CAMK2D: variants seen among roughly 807,000 people sequenced by gnomAD.
The protein encoded by CAMK2D is calcium/calmodulin-dependent protein kinase type II subunit delta.
A neutral mutation model predicts 84.0 loss-of-function variants in CAMK2D; 37 were observed. The ratio of observed to expected loss-of-function variants is 0.44; its 90% CI spans 0.34 to 0.58. The LOEUF is 0.58. Among genes scored for constraint, CAMK2D ranks in the 20% least tolerant of loss-of-function variants. The pLI is 0.02. For missense variants in CAMK2D, 448 were observed against 652.5 expected (o/e 0.69, Z 3.41); for synonymous variants, 202 against 212.5 (o/e 0.95, Z 0.43).
intron 2 of CAMK2D, among the ~76,000 whole-genome samples, chr4:113,705,161 CAAAAAAA>C (rs769273594): frequency 1.7e-5 from 2 of 115,804 alleles, no homozygotes; most frequent in Non-Finnish European, 3.7e-5. Flanking sequence ...ACTACAAATA[CAAAAAAA>C]AAAAAAAAAT....
intron 2 of CAMK2D, among the ~76,000 whole-genome samples, chr4:113,692,872 T>C (rs1374056974): frequency 6.6e-6 from 1 of 152,130 alleles, no homozygotes; most frequent in African/African-American, 2.4e-5. Context: ...AGAACTATTA[T>C]CTTCATAGAC....
intron 2 of CAMK2D, among the ~76,000 whole-genome samples, chr4:113,735,289 GAAAAAAAAAAAAAAA>G (rs769117708): frequency 1.7e-3 from 76 of 44,770 alleles, no homozygotes; most frequent in East Asian, 5.1e-3. Context: ...ATCTCTACAG[GAAAAAAAAAAAAAAA>G]AAAAAAAAAA....
At chr4:113,521,098 C>G (rs577857435) in intron 8 of CAMK2D, among the ~76,000 whole-genome samples, 43 of 152,282 alleles carry the variant, frequency 2.8e-4, no homozygotes, top group African/African-American at 8.7e-4. Context: ...TGCTCCTTAT[C>G]CACTTGGTTG....
intron 6 of CAMK2D, among the ~76,000 whole-genome samples, chr4:113,546,155 A>C (rs2098568304): frequency 6.6e-6 from 1 of 152,196 alleles, no homozygotes; most frequent in Middle Eastern, 3.2e-3. Context: ...TCAAATAATA[A>C]ATTTATAGAA....
chr4:113,483,058 A>AGAT lies in CAMK2D; in HGVS notation c.1135+17402_1135+17404dup, dbSNP rs2097720852. 2.6e-5 allele frequency among the ~76,000 whole-genome samples: 4 copies of AGAT among 152,370 alleles called. No individual in the cohort carries two copies. The South Asian group carries it at 6.2e-4, about 24-fold the overall frequency. On this transcript the variant is annotated intron_variant, in intron 16 of 20. Coordinates refer to ENST00000511664, the MANE Select transcript of CAMK2D (RefSeq NM_001321571.2). ...CCTAATTCACTGAGTTTCAAAGGCA[A>AGAT]GATAGTTTATCCACTCATGTACTCT...
At chr4:113,561,101 T>G (rs964101003) in intron 4 of CAMK2D, among the ~76,000 whole-genome samples, 1 of 152,150 alleles carries the variant, frequency 6.6e-6, no homozygotes, top group Non-Finnish European at 1.5e-5. Context: ...ACAAAAGAGT[T>G]GGAAACAGGA....
intron 2 of CAMK2D, among the ~76,000 whole-genome samples, chr4:113,682,285 G>C (rs1454652029): frequency 6.6e-6 from 1 of 151,864 alleles, no homozygotes; most frequent in Admixed American, 6.6e-5. Context: ...GAAAGTATAT[G>C]AGAAATTTAT....
At chr4:113,459,246 T>C (rs747566472) in intron 18 of CAMK2D, among the ~76,000 whole-genome samples, 2 of 152,160 alleles carry the variant, frequency 1.3e-5, no homozygotes, top group Non-Finnish European at 2.9e-5. Flanking sequence ...TGAGACAGGG[T>C]CTCGTTCTGT....
At chr4:113,475,402 T>C (rs2097596006) in intron 16 of CAMK2D, among the ~76,000 whole-genome samples, 1 of 152,188 alleles carries the variant, frequency 6.6e-6, no homozygotes, top group Non-Finnish European at 1.5e-5. Flanking sequence ...GAATTTATTT[T>C]TTGAGAAAGA....
intron 16 of CAMK2D, among the ~76,000 whole-genome samples, chr4:113,495,899 C>T (rs2097921099): frequency 6.6e-6 from 1 of 152,130 alleles, no homozygotes; most frequent in South Asian, 2.1e-4. Flanking sequence ...AGAAATGACA[C>T]AAGGGCATAC....
At chr4:113,480,339 T>C (rs181688583) in intron 16 of CAMK2D, among the ~76,000 whole-genome samples, 13 of 152,258 alleles carry the variant, frequency 8.5e-5, no homozygotes, top group Admixed American at 7.8e-4. Flanking sequence ...GCATATTCAA[T>C]GGAGAGCTGG....
intron 2 of CAMK2D, chr4:113,754,771 C>A (rs6856915): frequency 3.1e-6 from 3 of 978,896 alleles, no homozygotes; most frequent in African/African-American, 1.8e-5. Flanking sequence ...TGTTTAATAT[C>A]AAGACCTATA....
rs2098180592 is a variant in CAMK2D at position 113,509,521 on chromosome 4, C to T, written c.984+117G>A. The T allele has an allele frequency of 4.3e-6, 3 of 690,066 alleles. No individual in the cohort carries two copies. The African/African-American group carries it at 5.5e-5, about 13-fold the overall frequency. The allele number at this position is 690,066 out of a possible 1,614,324, so 42.7% of individuals were successfully genotyped here. The stretch of plus-strand genomic sequence containing the variant: ...ATCATTTCATATTTCAACCTGCAAC[C>T]TTTATCAGAAACAATAAAAAATAGA... On this transcript the variant is annotated intron_variant, in intron 13 of 20. Transcript: ENST00000511664.
chr4:113,595,255 T>C (rs537896066), intron 4 of CAMK2D, among the ~76,000 whole-genome samples: 42 of 152,138 alleles, frequency 2.8e-4, no homozygotes, highest in Non-Finnish European at 4.9e-4. Context: ...GCAAGAAATG[T>C]TTAAAACAAA....
At chr4:113,747,604 T>TA (rs1168561685) in intron 2 of CAMK2D, among the ~76,000 whole-genome samples, 1 of 152,130 alleles carries the variant, frequency 6.6e-6, no homozygotes, top group Non-Finnish European at 1.5e-5. Context: ...AACTACCTTT[T>TA]AAAGTACTAG....
intron 16 of CAMK2D, among the ~76,000 whole-genome samples, chr4:113,500,201 T>C (rs1443596080): frequency 3.9e-5 from 6 of 152,150 alleles, no homozygotes; most frequent in Non-Finnish European, 8.8e-5. Flanking sequence ...TCATTATTAG[T>C]TGTCATTACT....
In CAMK2D at chr4:113,583,895, G is replaced by A. The variant is rs551717484; in HGVS notation, c.275+25257C>T. ...AGGTACTAGTGTCTCAGTGTTCAGT[G>A]CAGACAGATTGAAATGCCTGAGTGA... On this transcript the variant is annotated intron_variant, in intron 4 of 20. Coordinates refer to ENST00000511664, the MANE Select transcript of CAMK2D (RefSeq NM_001321571.2). Among the ~76,000 whole-genome samples the A allele has an allele frequency of 1.7e-4, 26 of 152,278 alleles. No individual in the cohort carries two copies. In the South Asian group the frequency reaches 4.8e-3, roughly 28 times the overall value.
chr4:113,699,267 T>C (rs760693513), intron 2 of CAMK2D, among the ~76,000 whole-genome samples: 1 of 152,182 alleles, frequency 6.6e-6, no homozygotes, highest in Non-Finnish European at 1.5e-5. Flanking sequence ...GTTTTGTTTA[T>C]CTGATAGTTT....
In CAMK2D at chr4:113,452,394, A is replaced by C. The variant is rs555682889; in HGVS notation, c.*2151T>G. On this transcript the variant is annotated 3_prime_UTR_variant, in exon 21 of 21. Transcript: ENST00000511664. ...GGCATACATACAGTACCTCTTCTGA[A>C]GAAATAAAGATGGACGCACTGTCAG... 1 of 152,548 alleles carries C rather than the reference A, an allele frequency of 6.6e-6. No individual in the cohort carries two copies. The highest frequency in any genetic ancestry group is 2.1e-4 in the South Asian group (1 of 4,832). The allele number at this position is 152,548 out of a possible 1,614,324, so 9.4% of individuals were successfully genotyped here.
Sources: gnomAD v4.1 joint callset for allele counts (sites outside exome capture counted in the v4.1 genomes callset) on GRCh38, gnomAD v4.1.1 for gene constraint, MANE v1.5 for transcripts, NCBI Gene and HGNC (gene_info 2026-07-23, HGNC 2026-07-21) for gene names.